DNAH11: variants seen among roughly 807,000 people sequenced by gnomAD.
DNAH11 encodes the protein axonemal beta dynein heavy chain 11.
A neutral mutation model predicts 526.0 loss-of-function variants in DNAH11; 442 were observed. That is an observed-to-expected ratio of 0.84 (90% CI 0.78 to 0.91). DNAH11 has a LOEUF of 0.91. DNAH11 is among the 40% of genes least tolerant of loss of function. The pLI, the probability that DNAH11 is intolerant of heterozygous loss-of-function variation, is 0.00. For missense variants in DNAH11, 6,989 were observed against 5,448.7 expected (o/e 1.28, Z -8.90); for synonymous variants, 2,461 against 1,935.9 (o/e 1.27, Z -7.12).
rs928175741 is a variant in DNAH11 at position 21,601,460 on chromosome 7, G to A, written c.3490G>A (p.Gly1164Ser). 4 of 1,613,660 alleles carry A rather than the reference G, an allele frequency of 2.5e-6. No individual in the cohort carries two copies. Among genetic ancestry groups the A allele is most frequent in the South Asian group, 2.2e-5 (2 of 91,078 alleles). ...DSGLQRELNE[G>S]DHDGLVDIMV... Reference sequence around the variant, plus strand: ...CGGACTTCAGAGAGAATTAAATGAAGGTGATCATGATGGTTTAGTTGACAT... The same window carrying A: ...CGGACTTCAGAGAGAATTAAATGAAAGTGATCATGATGGTTTAGTTGACAT... The change falls in exon 18 of 82, where the codon GGT becomes AGT. Residue 1164 changes from glycine (G) to serine (S), a missense_variant. Gly to Ser is a moderately conservative substitution (Grantham distance 56, BLOSUM62 0). Coordinates refer to ENST00000409508, the MANE Select transcript of DNAH11 (RefSeq NM_001277115.2).
chr7:21,840,891 T>C lies in DNAH11; in HGVS notation c.10692-1653T>C, dbSNP rs77282113. Among the ~76,000 whole-genome samples, 658 of 152,258 alleles carry C rather than the reference T, an allele frequency of 4.3e-3. 3 individuals carry two copies. The highest frequency in any genetic ancestry group is 7.2e-3 in the Non-Finnish European group (488 of 68,024). On this transcript the variant is annotated intron_variant, in intron 65 of 81. Transcript: ENST00000409508. Reference sequence around the variant, plus strand: ...GTATTGGAAAGTAATTTTTTAAATATATGTGTTGGGCTGGGTGAGGTGCCT... The same window carrying C: ...GTATTGGAAAGTAATTTTTTAAATACATGTGTTGGGCTGGGTGAGGTGCCT...
intron 57 of DNAH11, among the ~76,000 whole-genome samples, chr7:21,783,114 A>G (rs569110413): frequency 6.6e-6 from 1 of 152,160 alleles, no homozygotes; most frequent in African/African-American, 2.4e-5. Flanking sequence ...CTTCACTCAC[A>G]TAAACTCTTT....
intron 18 of DNAH11, among the ~76,000 whole-genome samples, chr7:21,602,208 C>G (rs1351904358): frequency 6.6e-6 from 1 of 152,028 alleles, no homozygotes; most frequent in African/African-American, 2.4e-5. Flanking sequence ...GGCATGGTGG[C>G]ACGCACCTGT....
intron 68 of DNAH11, among the ~76,000 whole-genome samples, chr7:21,857,529 A>G: frequency 1.0e-5 from 1 of 98,124 alleles, no homozygotes; most frequent in South Asian, 2.7e-4. Flanking sequence ...AACAATTTTG[A>G]AAAAGAAAAA....
rs757280252 is a variant in DNAH11 at position 21,892,555 on chromosome 7, C to G, written c.12638C>G (p.Ala4213Gly). The G allele has an allele frequency of 1.9e-6, 3 of 1,614,002 alleles. No individual in the cohort carries two copies. Among genetic ancestry groups the G allele is most frequent in the Non-Finnish European group, 8.5e-7 (1 of 1,179,906 alleles). ...SPALYGLHPN[A>G]EIEFLTVTSN... is the part of the protein sequence containing the mutation. ...GCACTGTATGGCCTCCACCCAAATG[C>G]TGAAATAGAATTCCTGACAGTGACA... Residue 4213 changes from alanine (A) to glycine (G), a missense_variant, in exon 77 of 82, where the codon GCT (alanine) becomes GGT (glycine). Coordinates refer to ENST00000409508, the MANE Select transcript of DNAH11 (RefSeq NM_001277115.2).
intron 35 of DNAH11, among the ~76,000 whole-genome samples, chr7:21,695,307 T>C (rs952405742): frequency 2.0e-5 from 3 of 152,044 alleles, no homozygotes; most frequent in African/African-American, 7.2e-5. Context: ...GCAAAAAGAA[T>C]AAAGCTGGAG....
intron 9 of DNAH11, 25 bp from the exon 10 acceptor site, chr7:21,588,039 G>T (rs183694492): frequency 5.6e-6 from 9 of 1,610,022 alleles, no homozygotes; most frequent in Non-Finnish European, 7.6e-6. Flanking sequence ...AGTGCTTAAT[G>T]TTGCCTTCAC....
At position 21,543,234 on chromosome 7, in the gene DNAH11, G is replaced by A; in HGVS notation, c.-12G>A. On this transcript the variant is annotated 5_prime_UTR_variant, in exon 1 of 82. Transcript: ENST00000409508. ...AGCCAGCCGGCCTCGCGTTCCCTCG[G>A]ACGGTTGCCCAATGGCAGCCCAGGT... 6.6e-7 allele frequency: 1 copy of A among 1,521,702 alleles called. No individual in the cohort carries two copies. The highest frequency in any genetic ancestry group is 1.2e-5 in the South Asian group (1 of 81,906). The allele number at this position is 1,521,702 out of a possible 1,614,324, so 94.3% of individuals were successfully genotyped here.
chr7:21,632,435 C>A (rs1786659774), intron 25 of DNAH11, among the ~76,000 whole-genome samples: 1 of 152,182 alleles, frequency 6.6e-6, no homozygotes, highest in Admixed American at 6.5e-5. Flanking sequence ...ATTTTCTGAA[C>A]TTCTGTGGTC....
At chr7:21,884,517 G>A in intron 76 of DNAH11, 107 bp downstream of exon 76, 1 of 1,217,796 alleles carries the variant, frequency 8.2e-7, no homozygotes, top group Non-Finnish European at 1.1e-6. Context: ...TGTTATTGAG[G>A]ATGCTTGGCC....
intron 81 of DNAH11, chr7:21,900,775 C>T (rs1046800311): frequency 9.8e-5 from 43 of 440,924 alleles, no homozygotes; most frequent in Middle Eastern, 6.0e-4. Flanking sequence ...AATCAGCTTA[C>T]TTCCACAGGA....
intron 76 of DNAH11, among the ~76,000 whole-genome samples, chr7:21,888,450 A>T (rs1784209111): frequency 6.6e-6 from 1 of 151,942 alleles, no homozygotes; most frequent in Non-Finnish European, 1.5e-5. Context: ...GTTTCTAATA[A>T]CTGTGCCTGC....
intron 44 of DNAH11, among the ~76,000 whole-genome samples, chr7:21,721,836 C>A (rs2128484252): frequency 6.6e-6 from 1 of 152,276 alleles, no homozygotes; most frequent in East Asian, 1.9e-4. Flanking sequence ...TCCCTCTCTC[C>A]AGTCCCTCTT....
chr7:21,574,335 T>C (rs1352458768), intron 8 of DNAH11, among the ~76,000 whole-genome samples: 1 of 152,142 alleles, frequency 6.6e-6, no homozygotes, highest in East Asian at 1.9e-4. Context: ...CCAGTTAATA[T>C]TTATGGACGA....
chr7:21,565,520 A>T (rs1783631763), intron 6 of DNAH11, among the ~76,000 whole-genome samples: 2 of 152,204 alleles, frequency 1.3e-5, no homozygotes, highest in Admixed American at 6.5e-5. Context: ...GCAGACTTGC[A>T]GCTTAGAATT....
chr7:21,714,138 G>C (rs1373181666), intron 42 of DNAH11, among the ~76,000 whole-genome samples: 1 of 152,194 alleles, frequency 6.6e-6, no homozygotes, highest in African/African-American at 2.4e-5. Context: ...GCTAACAAAA[G>C]CTTGGTCCAA....
chr7:21,738,941 AATT>A (rs1285874792), intron 47 of DNAH11, 75 bp downstream of exon 47: 8 of 1,229,496 alleles, frequency 6.5e-6, no homozygotes, highest in Middle Eastern at 2.1e-4. Flanking sequence ...ATGGATGAAT[AATT>A]ATTATGAATA....
chr7:21,788,314 G>A (rs191684192), intron 60 of DNAH11, among the ~76,000 whole-genome samples: 35 of 152,264 alleles, frequency 2.3e-4, no homozygotes, highest in Non-Finnish European at 4.4e-4. Flanking sequence ...TTTTCATAAA[G>A]CCAGGTTATT....
chr7:21,617,982 C>T (rs1785862567), intron 23 of DNAH11, among the ~76,000 whole-genome samples: 1 of 152,328 alleles, frequency 6.6e-6, no homozygotes, highest in Non-Finnish European at 1.5e-5. Context: ...TCCAGGCTGT[C>T]CCCAGGACAG....
Sources: allele counts gnomAD v4.1 joint callset (sites outside exome capture counted in the v4.1 genomes callset), GRCh38; gene constraint gnomAD v4.1.1; transcripts MANE v1.5; gene names NCBI Gene and HGNC (gene_info 2026-07-23, HGNC 2026-07-21).